Variants in EPB41L2 observed in about 807,000 individuals in gnomAD.
EPB41L2 encodes the protein erythrocyte membrane protein band 4.1 like 2, also known as band 4.1-like protein 2.
In EPB41L2, 43 loss-of-function variants were observed where a neutral mutation model predicts 113.0. The observed-to-expected ratio is 0.38, with a 90% CI of 0.30 to 0.49. The LOEUF (loss-of-function observed/expected upper bound fraction) is 0.49. Ranked by LOEUF, EPB41L2 falls within the 20% of genes least tolerant of loss-of-function variation. The pLI, the probability that EPB41L2 is intolerant of heterozygous loss-of-function variation, is 0.95. For missense variants in EPB41L2, 1,147 were observed against 1,223.4 expected (o/e 0.94, Z 0.93); for synonymous variants, 442 against 436.7 (o/e 1.01, Z -0.15).
intron 14 of EPB41L2, among the ~76,000 whole-genome samples, chr6:130,875,610 G>A (rs533043084): frequency 3.9e-5 from 6 of 152,012 alleles, no homozygotes; most frequent in East Asian, 1.9e-4. Flanking sequence ...ATGACAAAAC[G>A]GTCTTCCTAA....
At chr6:130,953,519 G>A (rs1005526643) in intron 3 of EPB41L2, among the ~76,000 whole-genome samples, 2 of 152,026 alleles carry the variant, frequency 1.3e-5, no homozygotes, top group African/African-American at 4.8e-5. Flanking sequence ...GCCTATCATG[G>A]GGTGCGCAGA....
intron 1 of EPB41L2, among the ~76,000 whole-genome samples, chr6:131,034,115 C>T (rs1312953861): frequency 2.0e-5 from 3 of 152,136 alleles, no homozygotes; most frequent in South Asian, 2.1e-4. Context: ...AGTCAGCATG[C>T]CAGTTTCTGA....
At chr6:130,934,825 T>G (rs921241875) in intron 3 of EPB41L2, among the ~76,000 whole-genome samples, 69 of 150,406 alleles carry the variant, frequency 4.6e-4, no homozygotes, top group Admixed American at 2.2e-3. Flanking sequence ...AACTGAAAAA[T>G]TTTTTTCAAA....
rs1775039485 is a variant in EPB41L2, at chr6:130,840,144, G to C, written c.*460C>G. 1 of 152,434 alleles carries C rather than the reference G, an allele frequency of 6.6e-6. No individual in the cohort carries two copies. Among genetic ancestry groups the C allele is most frequent in the Non-Finnish European group, 1.5e-5 (1 of 68,020 alleles). The allele number at this position is 152,434 out of a possible 1,614,324, so 9.4% of individuals were successfully genotyped here. ...TAAATATTTACTGTGAGAATTCAAT[G>C]AAAAGAATCCAGAAGAAGGAAAGCC... On this transcript the variant is annotated 3_prime_UTR_variant, in exon 20 of 20. Coordinates refer to ENST00000337057, the MANE Select transcript of EPB41L2 (RefSeq NM_001431.4).
intron 1 of EPB41L2, among the ~76,000 whole-genome samples, chr6:131,059,240 G>A (rs1304215447): frequency 1.3e-5 from 2 of 150,410 alleles, no homozygotes; most frequent in African/African-American, 2.4e-5. Context: ...TCAGCCTCCC[G>A]AGTAGCTGGG....
chr6:130,950,144 G>T (rs1002779441), intron 3 of EPB41L2, among the ~76,000 whole-genome samples: 1 of 152,018 alleles, frequency 6.6e-6, no homozygotes, highest in Non-Finnish European at 1.5e-5. Context: ...TCAATCAGAG[G>T]TACTTCAAGG....
At chr6:130,853,765 G>A (rs1779438398) in intron 19 of EPB41L2, among the ~76,000 whole-genome samples, 1 of 152,202 alleles carries the variant, frequency 6.6e-6, no homozygotes, top group African/African-American at 2.4e-5. Flanking sequence ...GTCAGGAGGA[G>A]AGCTTTATGT....
chr6:130,926,733 C>T (rs1804869268), intron 3 of EPB41L2, 24 bp from the exon 4 acceptor site: 1 of 1,479,476 alleles, frequency 6.8e-7, no homozygotes, highest in African/African-American at 1.4e-5. Flanking sequence ...AATAACTTTA[C>T]TTTTCAAGTA....
intron 4 of EPB41L2, among the ~76,000 whole-genome samples, chr6:130,922,320 CTA>C (rs1185900829): frequency 1.3e-5 from 2 of 152,194 alleles, no homozygotes; most frequent in Admixed American, 1.3e-4. Flanking sequence ...CTTCAACACA[CTA>C]TGTTTAAAGT....
chr6:130,850,555 GTGTA>G (rs1383736426), intron 19 of EPB41L2, among the ~76,000 whole-genome samples: 4 of 152,134 alleles, frequency 2.6e-5, no homozygotes, highest in African/African-American at 4.8e-5. Context: ...GGGGGGGTGT[GTGTA>G]TGTGAGTGTC....
intron 1 of EPB41L2, among the ~76,000 whole-genome samples, chr6:130,997,149 C>A (rs956463038): frequency 2.0e-5 from 3 of 152,168 alleles, no homozygotes; most frequent in Admixed American, 6.5e-5. Context: ...GAGGACTTTT[C>A]TTTAAGTTAG....
At chr6:130,873,466 GTTT>G (rs34408511) in intron 14 of EPB41L2, among the ~76,000 whole-genome samples, 3 of 147,768 alleles carry the variant, frequency 2.0e-5, no homozygotes, top group Non-Finnish European at 4.5e-5. Flanking sequence ...CACTATTCAG[GTTT>G]TTTTTTTTTT....
At chr6:130,855,193 T>C (rs886313813) in intron 19 of EPB41L2, among the ~76,000 whole-genome samples, 12 of 150,736 alleles carry the variant, frequency 8.0e-5, no homozygotes, top group Non-Finnish European at 1.8e-4. Context: ...TACTAAAAAA[T>C]ACAAAAATTA....
intron 1 of EPB41L2, among the ~76,000 whole-genome samples, chr6:131,031,183 A>G (rs1792081562): frequency 6.6e-6 from 1 of 152,234 alleles, no homozygotes; most frequent in African/African-American, 2.4e-5. Flanking sequence ...AAAAGACAAA[A>G]TGACTGAATC....
intron 1 of EPB41L2, among the ~76,000 whole-genome samples, chr6:131,051,467 C>A (rs9388878): frequency 0.55 from 50,597 of 91,754 alleles, 11,601 homozygotes; most frequent in African/African-American, 0.69. Flanking sequence ...AAAAAAAAAA[C>A]ACACACACAC....
chr6:130,921,129 A>G (rs904213133), intron 4 of EPB41L2, among the ~76,000 whole-genome samples: 1 of 152,080 alleles, frequency 6.6e-6, no homozygotes, highest in African/African-American at 2.4e-5. Flanking sequence ...CACTCCTAGT[A>G]CCACTGCCCT....
chr6:131,039,777 A>C (rs1303164532), intron 1 of EPB41L2, among the ~76,000 whole-genome samples: 1 of 152,158 alleles, frequency 6.6e-6, no homozygotes, highest in Non-Finnish European at 1.5e-5. Context: ...CCTGTAATTG[A>C]CTGAAACACT....
At chr6:131,051,362 A>G (rs1796488335) in intron 1 of EPB41L2, among the ~76,000 whole-genome samples, 1 of 151,688 alleles carries the variant, frequency 6.6e-6, no homozygotes, top group Non-Finnish European at 1.5e-5. Context: ...CAATATATTT[A>G]ACATGAGCTA....
intron 3 of EPB41L2, among the ~76,000 whole-genome samples, chr6:130,929,956 C>T (rs1201176204): frequency 6.6e-6 from 1 of 151,470 alleles, no homozygotes; most frequent in African/African-American, 2.4e-5. Flanking sequence ...AGGCAATTAG[C>T]AGAAGCCAAA....
Sources: allele counts gnomAD v4.1 joint callset (sites outside exome capture counted in the v4.1 genomes callset), GRCh38; gene constraint gnomAD v4.1.1; transcripts MANE v1.5; gene names NCBI Gene and HGNC (gene_info 2026-07-23, HGNC 2026-07-21).